The following CASK variants were observed in gnomAD, a reference collection of about 807,000 sequenced individuals.
The protein encoded by CASK is peripheral plasma membrane protein CASK.
In CASK, 4 loss-of-function variants were observed where a neutral mutation model predicts 82.9. That is an observed-to-expected ratio of 0.05 (90% confidence interval 0.02 to 0.11). CASK has a LOEUF of 0.11. Among genes scored for constraint, CASK ranks in the 10% least tolerant of loss-of-function variants. CASK has a pLI of 1.00. For synonymous variants in CASK, 259 were observed against 253.5 expected, an observed-to-expected ratio of 1.02 and a Z score of -0.20; for missense variants, 358 against 720.9, an observed-to-expected ratio of 0.50 and a Z score of 5.76.
At chrX:41,718,599 C>A (rs774015886) in intron 5 of CASK, among the ~76,000 whole-genome samples, 1 of 112,429 alleles carries the variant, frequency 8.9e-6, no homozygotes, top group African/African-American at 3.2e-5. Context: ...TCACAGAGGT[C>A]ATCTGTTTAG....
At chrX:41,770,003 C>T (rs1204092782) in intron 3 of CASK, among the ~76,000 whole-genome samples, 7 of 110,468 alleles carry the variant, frequency 6.3e-5, no homozygotes, top group Non-Finnish European at 1.1e-4. Context: ...TCATCTTAGG[C>T]CAATAATTTT....
At chrX:41,895,264 C>T (rs753503902) in intron 1 of CASK, among the ~76,000 whole-genome samples, 2 of 111,711 alleles carry the variant, frequency 1.8e-5, no homozygotes, top group South Asian at 7.5e-4. Flanking sequence ...AAGCAAGAAT[C>T]GAGGAAAGAG....
chrX:41,803,592 AAAC>A (rs1176028795), intron 2 of CASK, among the ~76,000 whole-genome samples: 10 of 111,690 alleles, frequency 9.0e-5, no homozygotes, highest in Non-Finnish European at 1.5e-4. Flanking sequence ...ACTGTCTCAA[AAAC>A]AACAACAACA....
At chrX:41,853,820 T>C (rs186163622) in intron 1 of CASK, among the ~76,000 whole-genome samples, 48 of 112,103 alleles carry the variant, frequency 4.3e-4, no homozygotes, top group African/African-American at 1.4e-3. Context: ...AAATCTGATA[T>C]GATATCCCTG....
At chrX:41,779,420 T>TA (rs2069428643) in intron 3 of CASK, among the ~76,000 whole-genome samples, 1 of 112,116 alleles carries the variant, frequency 8.9e-6, no homozygotes, top group Non-Finnish European at 1.9e-5. Flanking sequence ...TTATATCCTT[T>TA]AGCTATAATA....
At chrX:41,894,249 T>C (rs1344287786) in intron 1 of CASK, among the ~76,000 whole-genome samples, 1 of 110,363 alleles carries the variant, frequency 9.1e-6, no homozygotes, top group East Asian at 2.8e-4. Flanking sequence ...AGTACTATAA[T>C]TGACAAAAAA....
At chrX:41,665,233 T>C (rs2067097862) in intron 7 of CASK, 44 bp downstream of exon 7, 2 of 1,088,159 alleles carry the variant, frequency 1.8e-6, no homozygotes, top group Non-Finnish European at 2.5e-6. Context: ...TTTTTCAGGA[T>C]AAATTAATCT....
intron 1 of CASK, among the ~76,000 whole-genome samples, chrX:41,892,921 C>T (rs769844319): frequency 8.9e-6 from 1 of 111,812 alleles, no homozygotes; most frequent in Non-Finnish European, 1.9e-5. Flanking sequence ...AGGTTAGAGC[C>T]TGTTGGGAAA....
In CASK at chrX:41,518,908, T is replaced by C. The variant is rs2064597994; in HGVS notation, c.*1512A>G. On this transcript the variant is annotated 3_prime_UTR_variant, in exon 27 of 27. Transcript: ENST00000378163. Reference sequence around the variant, plus strand: ...GTGACTTCATGGAAGAGTTATGAGATGGTTAATGTCTCTAAAGCAACAAGG... The same window carrying C: ...GTGACTTCATGGAAGAGTTATGAGACGGTTAATGTCTCTAAAGCAACAAGG... 1 of 111,462 alleles carries C rather than the reference T, an allele frequency of 9.0e-6. No individual in the cohort carries two copies. Among genetic ancestry groups the C allele is most frequent in the South Asian group, 3.8e-4 (1 of 2,650 alleles). The allele number at this position is 111,462 out of a possible 1,213,427, so 9.2% of individuals were successfully genotyped here. A position where few individuals can be genotyped will look rare whatever the true frequency, so the allele number is the denominator to read the frequency against.
At chrX:41,690,467 C>T (rs2067525615) in intron 5 of CASK, among the ~76,000 whole-genome samples, 1 of 109,637 alleles carries the variant, frequency 9.1e-6, no homozygotes, top group Non-Finnish European at 1.9e-5. Flanking sequence ...CAGCCTCAGC[C>T]TCCGGAGTAG....
rs754922919 is a variant in CASK at position 41,751,178 on chromosome X, G to A, written c.279-5577C>T. Among the ~76,000 whole-genome samples the A allele has an allele frequency of 2.7e-5, 3 of 112,078 alleles. No homozygotes were observed. In the East Asian group the frequency reaches 8.4e-4, roughly 31 times the overall value. On this transcript the variant is annotated intron_variant, in intron 3 of 26. Coordinates refer to ENST00000378163, the MANE Select transcript of CASK (RefSeq NM_001367721.1). ...GCTCACTGCAGCCTGGAATGCCTGG[G>A]CTCAGGTGATCCTCCCGCCTCAGCC... is the stretch of plus-strand genomic sequence containing the variant.
At chrX:41,642,916 A>G (rs868600844) in intron 8 of CASK, among the ~76,000 whole-genome samples, 3 of 111,645 alleles carry the variant, frequency 2.7e-5, no homozygotes, top group East Asian at 2.8e-4. Flanking sequence ...TCTTGAATTA[A>G]TTTTTGTATA....
chrX:41,900,599 C>CTTT (rs559584956), intron 1 of CASK, among the ~76,000 whole-genome samples: 20 of 74,474 alleles, frequency 2.7e-4, no homozygotes, highest in Admixed American at 9.1e-4. Flanking sequence ...CTGTTTGGTT[C>CTTT]TTTTTTTTTT....
At chrX:41,911,336 T>C (rs1164238103) in intron 1 of CASK, among the ~76,000 whole-genome samples, 1 of 112,099 alleles carries the variant, frequency 8.9e-6, no homozygotes, top group Admixed American at 9.5e-5. Context: ...TGTCCAAGGA[T>C]TTCTGAAACC....
intron 15 of CASK, among the ~76,000 whole-genome samples, chrX:41,570,622 G>A (rs1234605843): frequency 9.0e-6 from 1 of 111,626 alleles, no homozygotes; most frequent in African/African-American, 3.3e-5. Flanking sequence ...TATAGTTGTC[G>A]ACCAAAGGCT....
At chrX:41,708,346 G>A (rs1044105269) in intron 5 of CASK, among the ~76,000 whole-genome samples, 16 of 110,947 alleles carry the variant, frequency 1.4e-4, no homozygotes, top group African/African-American at 4.6e-4. Context: ...CAATTTCTAT[G>A]ATTAAAAAAA....
intron 2 of CASK, among the ~76,000 whole-genome samples, chrX:41,794,097 T>C (rs193268556): frequency 3.0e-4 from 34 of 112,274 alleles, no homozygotes; most frequent in African/African-American, 1.0e-3. Context: ...ACTAGCTCTA[T>C]ACATTTTGTT....
chrX:41,784,715 A>G (rs1407306386), intron 3 of CASK, among the ~76,000 whole-genome samples: 1 of 110,328 alleles, frequency 9.1e-6, no homozygotes, highest in Non-Finnish European at 1.9e-5. Context: ...TCTCTACTAA[A>G]TAATACAAAA....
intron 18 of CASK, among the ~76,000 whole-genome samples, chrX:41,557,426 A>G (rs1047166941): frequency 1.8e-5 from 2 of 111,587 alleles, no homozygotes; most frequent in Non-Finnish European, 3.8e-5. Context: ...GACAAACATT[A>G]CCATAAATTA....
Sources: gnomAD v4.1 joint callset for allele counts (sites outside exome capture counted in the v4.1 genomes callset) on GRCh38, gnomAD v4.1.1 for gene constraint, MANE v1.5 for transcripts, NCBI Gene and HGNC (gene_info 2026-07-23, HGNC 2026-07-21) for gene names.